PCCA: variants seen among roughly 807,000 people sequenced by gnomAD.
PCCA encodes the protein propionyl-CoA carboxylase alpha chain, mitochondrial.
Under a neutral mutation model 101.3 loss-of-function variants are expected in PCCA, and 74 were observed. That is an observed-to-expected ratio of 0.73 (90% CI 0.61 to 0.89). The LOEUF is 0.89. PCCA is among the 40% of genes least tolerant of loss of function. The pLI is 0.00. For synonymous variants in PCCA, 294 were observed against 313.6 expected (o/e 0.94, Z 0.66); for missense variants, 891 against 907.0 (o/e 0.98, Z 0.23).
intron 7 of PCCA, among the ~76,000 whole-genome samples, chr13:100,226,577 C>G (rs1383081433): frequency 6.6e-6 from 1 of 152,120 alleles, no homozygotes. Flanking sequence ...TGTGTTTTGC[C>G]CTGTTCACCA....
At chr13:100,309,005 G>A (rs2152695491) in intron 15 of PCCA, among the ~76,000 whole-genome samples, 1 of 152,236 alleles carries the variant, frequency 6.6e-6, no homozygotes, top group South Asian at 2.1e-4. Context: ...ATTTGCTTCT[G>A]TGTATATTAT....
intron 6 of PCCA, among the ~76,000 whole-genome samples, chr13:100,191,531 G>C (rs2057741967): frequency 6.6e-6 from 1 of 152,192 alleles, no homozygotes; most frequent in Non-Finnish European, 1.5e-5. Context: ...ACTCGTCCAA[G>C]GCCAACCAGG....
At chr13:100,515,706 C>A (rs1416387949) in intron 22 of PCCA, 139 bp downstream of exon 22, 6 of 952,026 alleles carry the variant, frequency 6.3e-6, no homozygotes, top group Non-Finnish European at 8.3e-6. Context: ...AAATCGATTG[C>A]GTGTGTTGTC....
intron 22 of PCCA, among the ~76,000 whole-genome samples, chr13:100,521,601 C>T (rs1231092305): frequency 6.6e-6 from 1 of 152,228 alleles, no homozygotes; most frequent in African/African-American, 2.4e-5. Context: ...ACCAGCCTAT[C>T]TTACCGGCTC....
chr13:100,418,044 G>C (rs1422959967), intron 19 of PCCA, among the ~76,000 whole-genome samples: 1 of 152,104 alleles, frequency 6.6e-6, no homozygotes, highest in African/African-American at 2.4e-5. Flanking sequence ...TGGTCTGTCT[G>C]TCTGTCTCCA....
At chr13:100,347,608 T>G (rs2072480261) in intron 18 of PCCA, among the ~76,000 whole-genome samples, 1 of 152,210 alleles carries the variant, frequency 6.6e-6, no homozygotes. Context: ...AAGTGGAGGT[T>G]AAGAAGCAAT....
chr13:100,289,556 A>AT (rs1188976490), intron 12 of PCCA, among the ~76,000 whole-genome samples: 1 of 151,478 alleles, frequency 6.6e-6, no homozygotes, highest in Non-Finnish European at 1.5e-5. Flanking sequence ...ATATTTAAAA[A>AT]TTTTTTTTCT....
chr13:100,424,561 C>A (rs762544819), intron 19 of PCCA, among the ~76,000 whole-genome samples: 1 of 152,156 alleles, frequency 6.6e-6, no homozygotes, highest in Non-Finnish European at 1.5e-5. Flanking sequence ...TCACTGCAAG[C>A]CTGCAGCCTC....
At chr13:100,504,578 T>A (rs2085922889) in intron 21 of PCCA, among the ~76,000 whole-genome samples, 1 of 152,166 alleles carries the variant, frequency 6.6e-6, no homozygotes, top group Admixed American at 6.5e-5. Context: ...TGACAGCAAT[T>A]AGTGGTAATG....
chr13:100,264,334 T>A (rs572910803), intron 10 of PCCA, among the ~76,000 whole-genome samples: 12 of 152,238 alleles, frequency 7.9e-5, no homozygotes, highest in African/African-American at 2.9e-4. Context: ...ACAATTTCTA[T>A]ACACACACAT....
intron 21 of PCCA, among the ~76,000 whole-genome samples, chr13:100,476,501 C>G (rs941090221): frequency 2.6e-5 from 4 of 152,202 alleles, no homozygotes; most frequent in South Asian, 2.1e-4. Flanking sequence ...TTCCAAGTCA[C>G]TAGTTTGAAA....
At chr13:100,435,081 T>C (rs185122327) in intron 20 of PCCA, among the ~76,000 whole-genome samples, 3 of 152,288 alleles carry the variant, frequency 2.0e-5, no homozygotes, top group Admixed American at 6.5e-5. Context: ...TCTGTTCTTA[T>C]ATTGCTATAA....
chr13:100,178,969 C>T (rs933467534), intron 6 of PCCA, among the ~76,000 whole-genome samples: 9 of 150,710 alleles, frequency 6.0e-5, no homozygotes, highest in South Asian at 2.1e-4. Flanking sequence ...CCCAGCTACT[C>T]GGGAGGCTGA....
intron 20 of PCCA, among the ~76,000 whole-genome samples, chr13:100,432,222 G>A (rs556322926): frequency 1.0e-3 from 159 of 152,242 alleles, no homozygotes; most frequent in African/African-American, 3.5e-3. Flanking sequence ...TGATAGTCGT[G>A]CTTCTCTTCC....
chr13:100,224,373 C>T (rs1169045874), intron 7 of PCCA, among the ~76,000 whole-genome samples: 2 of 152,222 alleles, frequency 1.3e-5, no homozygotes, highest in African/African-American at 2.4e-5. Flanking sequence ...CACGCCCACC[C>T]GGAACTCCAG....
intron 20 of PCCA, among the ~76,000 whole-genome samples, chr13:100,435,015 C>T (rs1172965561): frequency 6.6e-6 from 1 of 152,158 alleles, no homozygotes; most frequent in African/African-American, 2.4e-5. Flanking sequence ...GGGTACTTGG[C>T]GTCTACTTCT....
At chr13:100,427,886 C>T (rs2079263795) in intron 20 of PCCA, among the ~76,000 whole-genome samples, 1 of 152,132 alleles carries the variant, frequency 6.6e-6, no homozygotes, top group South Asian at 2.1e-4. Context: ...AAATAACACA[C>T]AGTGCTTACT....
chr13:100,247,215 G>GTTTTTTT (rs143058621), intron 8 of PCCA, among the ~76,000 whole-genome samples: 8 of 108,254 alleles, frequency 7.4e-5, no homozygotes, highest in African/African-American at 2.9e-4. Context: ...GCCTGTGTGG[G>GTTTTTTT]TTTTTTTTTT....
intron 11 of PCCA, among the ~76,000 whole-genome samples, chr13:100,272,306 C>G (rs1213855980): frequency 1.3e-5 from 2 of 152,144 alleles, no homozygotes; most frequent in Non-Finnish European, 2.9e-5. Flanking sequence ...GGTTAGGTTC[C>G]TGCGAGCCTT....
Sources: gnomAD v4.1 joint callset for allele counts (sites outside exome capture counted in the v4.1 genomes callset) on GRCh38, gnomAD v4.1.1 for gene constraint, MANE v1.5 for transcripts, NCBI Gene and HGNC (gene_info 2026-07-23, HGNC 2026-07-21) for gene names.